The following PSG6 variants were observed in gnomAD, a reference collection of about 807,000 sequenced individuals.
PSG6 encodes the protein pregnancy-specific beta-1-glycoprotein 6.
In PSG6, 51 loss-of-function variants were observed where a neutral mutation model predicts 43.3. The observed-to-expected ratio is 1.18, with a 90% CI of 0.94 to 1.49. The LOEUF (loss-of-function observed/expected upper bound fraction) is 1.49. Ranked by LOEUF, PSG6 falls within the 40% of genes most tolerant of loss-of-function variation. The pLI is 0.00. For missense variants in PSG6, 770 were observed against 522.2 expected (o/e 1.47, Z -4.62); for synonymous variants, 292 against 197.6 (o/e 1.48, Z -4.01).
At chr19:42,912,099 G>A (rs34141850) in intron 2 of PSG6, among the ~76,000 whole-genome samples, 1,792 of 151,632 alleles carry the variant, frequency 0.012, 51 homozygotes, top group Non-Finnish European at 0.014. Flanking sequence ...TACTGGTTTA[G>A]CATCCCAAAT....
At chr19:42,917,647 T>C in intron 1 of PSG6, 82 bp downstream of exon 1, 1 of 1,572,198 alleles carries the variant, frequency 6.4e-7, no homozygotes, top group Non-Finnish European at 8.7e-7. Context: ...TTTTATTTTT[T>C]AGAACCCCAT....
intron 2 of PSG6, among the ~76,000 whole-genome samples, chr19:42,912,219 C>G (rs1600546856): frequency 6.6e-6 from 1 of 151,494 alleles, no homozygotes; most frequent in Non-Finnish European, 1.5e-5. Flanking sequence ...TTCTGGATTT[C>G]CGATGCTCAA....
rs777717648 is a variant in PSG6 at position 42,916,324 on chromosome 19, G to T, written c.228C>A (p.Tyr76Ter). ...IWYKGQMTDL[Y>*]HYITSYVVHG... ...GTACTACATATGATGTAATGTAATG[G>T]TAGAGGTCCGTCATTTGCCCTTTGT... Residue 76 changes from tyrosine to a stop codon, truncating the protein, a stop_gained, in exon 2 of 6, where the codon TAC becomes TAA. Coordinates refer to ENST00000187910, the MANE Select transcript of PSG6 (RefSeq NM_001031850.4). LOFTEE classifies it high-confidence loss of function. 2.5e-6 allele frequency: 4 copies of T among 1,612,126 alleles called. No homozygotes were observed. The highest frequency in any genetic ancestry group is 3.4e-6 in the Non-Finnish European group (4 of 1,179,110).
chr19:42,904,736 A>G (rs10404891), intron 5 of PSG6, among the ~76,000 whole-genome samples: 3,308 of 151,744 alleles, frequency 0.022, 167 homozygotes, highest in African/African-American at 0.076. Flanking sequence ...TGCAGATTCA[A>G]TACAATTCCT....
chr19:42,902,688 C>T (rs1057156477), intron 5 of PSG6, among the ~76,000 whole-genome samples: 23 of 151,614 alleles, frequency 1.5e-4, no homozygotes, highest in South Asian at 4.2e-4. Context: ...CTCTGCATAG[C>T]GGTCTGTGGG....
chr19:42,916,064 G>A (rs2122647338), intron 2 of PSG6, 61 bp downstream of exon 2: 32 of 1,600,616 alleles, frequency 2.0e-5, no homozygotes, highest in South Asian at 1.9e-4. Flanking sequence ...ACAATTCTGT[G>A]TGTGTGAAGT....
rs1045800019 is a variant in PSG6, at chr19:42,916,307, T to C, written c.245A>G (p.Tyr82Cys). ...ATATATAATTTGACCGTGTACTACA[T>C]ATGATGTAATGTAATGGTAGAGGTC... ...MTDLYHYITS[Y>C]VVHGQIIYGP... is the part of the protein sequence containing the mutation. Residue 82 changes from tyrosine to cysteine, a missense_variant, in exon 2 of 6, where the codon TAT (tyrosine) becomes TGT (cysteine). Physicochemically the swap from Tyr to Cys is radical, Grantham distance 194. Transcript: ENST00000187910. 1.2e-6 allele frequency: 2 copies of C among 1,612,030 alleles called. No individual in the cohort carries two copies. The highest frequency in any genetic ancestry group is 2.7e-5 in the African/African-American group (2 of 74,700).
At chr19:42,904,648 A>C (rs1972084645) in intron 5 of PSG6, among the ~76,000 whole-genome samples, 1 of 151,780 alleles carries the variant, frequency 6.6e-6, no homozygotes, top group African/African-American at 2.4e-5. Flanking sequence ...AGATGACATC[A>C]ATAAATTGAA....
Position 42,917,809 on chromosome 19 carries a change from G to C in PSG6, c.-17C>G. Reference sequence around the variant, plus strand: ...GGGTCCCATGGTCTCTGCTGTCTGTGTGTTCTCCCCTGTGGAGATGAGCCT... The same window carrying C: ...GGGTCCCATGGTCTCTGCTGTCTGTCTGTTCTCCCCTGTGGAGATGAGCCT... On this transcript the variant is annotated 5_prime_UTR_variant, in exon 1 of 6. Coordinates refer to ENST00000187910, the MANE Select transcript of PSG6 (RefSeq NM_001031850.4). 6.2e-7 allele frequency: 1 copy of C among 1,607,246 alleles called. No individual in the cohort carries two copies. Among genetic ancestry groups the C allele is most frequent in the Non-Finnish European group, 8.5e-7 (1 of 1,176,256 alleles).
At chr19:42,906,363 G>A (rs1289637068) in intron 5 of PSG6, among the ~76,000 whole-genome samples, 2 of 151,464 alleles carry the variant, frequency 1.3e-5, no homozygotes, top group African/African-American at 4.9e-5. Context: ...AGGCCACCAG[G>A]GCCCTTTCTC....
chr19:42,914,972 A>T (rs1972297600), intron 2 of PSG6, among the ~76,000 whole-genome samples: 2 of 151,656 alleles, frequency 1.3e-5, no homozygotes, highest in Admixed American at 1.3e-4. Context: ...CCAGTGATTT[A>T]GTTCTGGAGT....
rs1972047959 is a variant in PSG6 at position 42,902,392 on chromosome 19, T to G, written c.*20A>C. 6.2e-7 allele frequency: 1 copy of G among 1,609,560 alleles called. No homozygotes were observed. On this transcript the variant is annotated 3_prime_UTR_variant, in exon 6 of 6. Transcript: ENST00000187910. The stretch of plus-strand genomic sequence containing the variant: ...GGTATCAACCTGTTCTTTTTCTCAG[T>G]GTCTCTATTGTGGCAGCCATTAATG...
At chr19:42,902,534 G>T in intron 5 of PSG6, 88 bp from the exon 6 acceptor site, 1 of 1,554,904 alleles carries the variant, frequency 6.4e-7, no homozygotes, top group South Asian at 1.2e-5. Context: ...TCCCAGCAAG[G>T]GTGTGAAAGC....
intron 2 of PSG6, 63 bp downstream of exon 2, chr19:42,916,062 G>T (rs1972319372): frequency 7.5e-6 from 12 of 1,599,894 alleles, no homozygotes; most frequent in Non-Finnish European, 1.0e-5. Context: ...TGACAATTCT[G>T]TGTGTGTGAA....
intron 1 of PSG6, 141 bp downstream of exon 1, chr19:42,917,588 C>T: frequency 7.6e-7 from 1 of 1,322,386 alleles, no homozygotes; most frequent in Non-Finnish European, 1.0e-6. Flanking sequence ...TGATCTTGAA[C>T]TCCTGATCTC....
chr19:42,912,916 G>C (rs112632987), intron 2 of PSG6, among the ~76,000 whole-genome samples: 1 of 151,612 alleles, frequency 6.6e-6, no homozygotes, highest in African/African-American at 2.4e-5. Flanking sequence ...AAGTATTCCC[G>C]TTAAGTGTAT....
intron 2 of PSG6, among the ~76,000 whole-genome samples, chr19:42,911,809 T>A (rs547345680): frequency 6.6e-6 from 1 of 151,794 alleles, no homozygotes; most frequent in South Asian, 2.1e-4. Flanking sequence ...GACATTCTAC[T>A]CTCTGATTCT....
At chr19:42,907,522 G>A in intron 4 of PSG6, 54 bp downstream of exon 4, 1 of 1,604,424 alleles carries the variant, frequency 6.2e-7, no homozygotes. Flanking sequence ...CTGGCCTCTG[G>A]TCGTTTGGAG....
At chr19:42,902,677 G>A (rs924625221) in intron 5 of PSG6, among the ~76,000 whole-genome samples, 5 of 151,460 alleles carry the variant, frequency 3.3e-5, no homozygotes, top group African/African-American at 9.7e-5. Flanking sequence ...ACAGGAATCA[G>A]CTCTGCATAG....
Sources: allele counts gnomAD v4.1 joint callset (sites outside exome capture counted in the v4.1 genomes callset), GRCh38; gene constraint gnomAD v4.1.1; transcripts MANE v1.5; gene names NCBI Gene and HGNC (gene_info 2026-07-23, HGNC 2026-07-21).